SLC24A2: variants seen among roughly 807,000 people sequenced by gnomAD.
SLC24A2 encodes the protein sodium/potassium/calcium exchanger 2.
A neutral mutation model predicts 62.0 loss-of-function variants in SLC24A2; 36 were observed. The observed-to-expected ratio is 0.58, with a 90% CI of 0.44 to 0.77. The LOEUF is 0.77. SLC24A2 is among the 30% of genes least tolerant of loss of function. The pLI is 0.00. For synonymous variants in SLC24A2, 358 were observed against 294.0 expected (o/e 1.22, Z -2.23); for missense variants, 846 against 817.9 (o/e 1.03, Z -0.42).
intron 2 of SLC24A2, among the ~76,000 whole-genome samples, chr9:19,727,774 T>C (rs1461192359): frequency 6.6e-6 from 1 of 152,216 alleles, no homozygotes; most frequent in African/African-American, 2.4e-5. Context: ...TTACCTTACA[T>C]CCCTCTCAGC....
chr9:20,010,367 A>G, the SLC24A2 span, among the ~76,000 whole-genome samples: 1,810 of 152,310 alleles, frequency 0.012, 34 homozygotes, highest in African/African-American at 0.04. Context: ...TTGCACCACC[A>G]AAAGAAACTA....
intron 2 of SLC24A2, among the ~76,000 whole-genome samples, chr9:19,627,897 T>G (rs543604971): frequency 1.3e-5 from 2 of 152,292 alleles, no homozygotes; most frequent in Admixed American, 1.3e-4. Context: ...ATTTATTCCC[T>G]CTTTTAAAAA....
chr9:19,930,308 A>G, the SLC24A2 span, among the ~76,000 whole-genome samples: 2 of 152,246 alleles, frequency 1.3e-5, no homozygotes, highest in Non-Finnish European at 2.9e-5. Context: ...TTCCACATTG[A>G]GATGTATTTA....
At chr9:19,573,005 C>T (rs1172040735) in intron 7 of SLC24A2, among the ~76,000 whole-genome samples, 1 of 152,186 alleles carries the variant, frequency 6.6e-6, no homozygotes, top group African/African-American at 2.4e-5. Context: ...ATTAAAAATG[C>T]TAATTCCGAC....
chr9:20,015,208 T>G, the SLC24A2 span, among the ~76,000 whole-genome samples: 1 of 152,286 alleles, frequency 6.6e-6, no homozygotes, highest in South Asian at 2.1e-4. Context: ...GTGCTGGGCC[T>G]AACCTCAGCA....
chr9:20,173,633 A>T, the SLC24A2 span, among the ~76,000 whole-genome samples: 2 of 152,086 alleles, frequency 1.3e-5, no homozygotes, highest in Non-Finnish European at 2.9e-5. Context: ...TTAGGAATAT[A>T]CCTAACCGTG....
the SLC24A2 span, among the ~76,000 whole-genome samples, chr9:19,825,953 C>G: frequency 2.0e-5 from 3 of 152,156 alleles, no homozygotes; most frequent in Non-Finnish European, 4.4e-5. Flanking sequence ...GCCTATTGCC[C>G]ATTGAGGTGT....
At chr9:19,640,751 T>G (rs1212302069) in intron 2 of SLC24A2, among the ~76,000 whole-genome samples, 1 of 152,246 alleles carries the variant, frequency 6.6e-6, no homozygotes, top group Admixed American at 6.5e-5. Context: ...CAATAAAACT[T>G]TATTTACAAG....
At chr9:19,875,759 G>A in the SLC24A2 span, among the ~76,000 whole-genome samples, 422 of 152,292 alleles carry the variant, frequency 2.8e-3, no homozygotes, top group Non-Finnish European at 3.5e-3. Flanking sequence ...ATGATGAACA[G>A]CTGCCAATTC....
the SLC24A2 span, among the ~76,000 whole-genome samples, chr9:20,177,348 A>G: frequency 6.6e-6 from 1 of 152,012 alleles, no homozygotes; most frequent in African/African-American, 2.4e-5. Context: ...TCCTGCCCCA[A>G]CCTCTCTAGA....
chr9:19,914,009 A>G, the SLC24A2 span, among the ~76,000 whole-genome samples: 6 of 152,060 alleles, frequency 3.9e-5, no homozygotes, highest in African/African-American at 1.2e-4. Context: ...GGTATGCCCA[A>G]TCTTGATTAA....
the SLC24A2 span, among the ~76,000 whole-genome samples, chr9:20,047,185 A>G: frequency 3.7e-4 from 57 of 152,290 alleles, no homozygotes; most frequent in Non-Finnish European, 7.2e-4. Context: ...GGGAACGGGC[A>G]ACAGGACCTA....
the SLC24A2 span, among the ~76,000 whole-genome samples, chr9:19,840,518 T>G: frequency 6.6e-6 from 1 of 152,222 alleles, no homozygotes; most frequent in Non-Finnish European, 1.5e-5. Flanking sequence ...TTCTGGGGAA[T>G]GACCTTGAAT....
chr9:20,054,212 G>T, the SLC24A2 span, among the ~76,000 whole-genome samples: 1 of 150,908 alleles, frequency 6.6e-6, no homozygotes, highest in East Asian at 1.9e-4. Flanking sequence ...TTATTTTTGA[G>T]ATGGAGTCTC....
the SLC24A2 span, among the ~76,000 whole-genome samples, chr9:19,892,699 G>GT: frequency 0.076 from 11,317 of 148,142 alleles, 533 homozygotes; most frequent in East Asian, 0.18. Context: ...ATCAACTGTT[G>GT]TTTTTTTTTT....
At chr9:19,746,666 G>A (rs966063791) in intron 2 of SLC24A2, among the ~76,000 whole-genome samples, 3 of 152,132 alleles carry the variant, frequency 2.0e-5, no homozygotes. Flanking sequence ...CAGTATTTCT[G>A]TCCTCACTTG....
the SLC24A2 span, among the ~76,000 whole-genome samples, chr9:20,227,698 G>A: frequency 1.1e-4 from 16 of 152,190 alleles, no homozygotes; most frequent in African/African-American, 3.9e-4. Flanking sequence ...AGTCTAGGCA[G>A]CCAACTATGT....
chr9:19,710,749 T>A (rs1415001751), intron 2 of SLC24A2, among the ~76,000 whole-genome samples: 2 of 152,016 alleles, frequency 1.3e-5, no homozygotes, highest in Non-Finnish European at 2.9e-5. Flanking sequence ...TATGGTCTCA[T>A]GGGGGTTTTA....
At chr9:19,807,002 A>G in the SLC24A2 span, among the ~76,000 whole-genome samples, 1 of 152,214 alleles carries the variant, frequency 6.6e-6, no homozygotes, top group Non-Finnish European at 1.5e-5. Flanking sequence ...TCATTTCTGT[A>G]ATCACAAAAT....
Sources: gnomAD v4.1 joint callset for allele counts (sites outside exome capture counted in the v4.1 genomes callset) on GRCh38, gnomAD v4.1.1 for gene constraint, MANE v1.5 for transcripts, NCBI Gene and HGNC (gene_info 2026-07-23, HGNC 2026-07-21) for gene names.